Variants in PTPRG observed in about 807,000 individuals in gnomAD.
PTPRG encodes protein tyrosine phosphatase receptor type G.
PTPRG carries 102 observed loss-of-function variants against 165.3 expected under a neutral mutation model. The observed-to-expected ratio is 0.62, with a 90% CI of 0.53 to 0.73. The LOEUF is 0.73. PTPRG is among the 30% of genes least tolerant of loss of function. The pLI is 0.00. For missense variants in PTPRG, 1,866 were observed against 1,861.4 expected, an observed-to-expected ratio of 1.00 and a Z score of -0.05; for synonymous variants, 675 against 669.5, an observed-to-expected ratio of 1.01 and a Z score of -0.13.
At chr3:62,191,383 CT>C in intron 8 of PTPRG, 85 bp from the exon 9 acceptor site, 1 of 1,317,820 alleles carries the variant, frequency 7.6e-7, no homozygotes, top group Non-Finnish European at 1.0e-6. Flanking sequence ...ACTCTTTCAA[CT>C]TTTTGAGGCT....
At chr3:62,175,218 A>G (rs1705369941) in intron 8 of PTPRG, among the ~76,000 whole-genome samples, 1 of 152,202 alleles carries the variant, frequency 6.6e-6, no homozygotes, top group African/African-American at 2.4e-5. Context: ...TTTTGTATCA[A>G]TTGTTGTAGC....
At chr3:61,671,134 CTTTCT>C (rs1350672073) in intron 1 of PTPRG, among the ~76,000 whole-genome samples, 12 of 110,102 alleles carry the variant, frequency 1.1e-4, no homozygotes, top group Admixed American at 2.2e-4. Flanking sequence ...ACTGTATGAA[CTTTCT>C]TTTTTTTTTT....
chr3:61,735,230 T>A (rs2032673365), intron 1 of PTPRG, among the ~76,000 whole-genome samples: 1 of 152,232 alleles, frequency 6.6e-6, no homozygotes, highest in Non-Finnish European at 1.5e-5. Context: ...TAGAATTTTT[T>A]TAATTAAATC....
chr3:61,570,490 GTCTT>G (rs1324087752), intron 1 of PTPRG, among the ~76,000 whole-genome samples: 1 of 152,162 alleles, frequency 6.6e-6, no homozygotes, highest in Non-Finnish European at 1.5e-5. Flanking sequence ...CTGTGATACT[GTCTT>G]TCTAAGTGAG....
intron 2 of PTPRG, among the ~76,000 whole-genome samples, chr3:61,839,004 A>G (rs1273729027): frequency 6.6e-6 from 1 of 152,218 alleles, no homozygotes; most frequent in Non-Finnish European, 1.5e-5. Context: ...CCAAAGCTTT[A>G]TGAATTCAAT....
intron 2 of PTPRG, among the ~76,000 whole-genome samples, chr3:61,889,446 C>G (rs1286184355): frequency 6.6e-6 from 1 of 152,188 alleles, no homozygotes; most frequent in Admixed American, 6.5e-5. Flanking sequence ...ATGACCCTAA[C>G]TTGTACATGT....
At chr3:62,167,888 T>G in intron 7 of PTPRG, 83 bp from the exon 8 acceptor site, 1 of 1,403,286 alleles carries the variant, frequency 7.1e-7, no homozygotes, top group Non-Finnish European at 1.0e-6. Context: ...TTCACCTGCT[T>G]TGGACCAAAT....
chr3:61,575,703 G>A (rs1457210976), intron 1 of PTPRG, among the ~76,000 whole-genome samples: 3 of 149,820 alleles, frequency 2.0e-5, no homozygotes, highest in African/African-American at 7.4e-5. Context: ...GGTTCAAGCA[G>A]TTCTCCCTGC....
intron 6 of PTPRG, among the ~76,000 whole-genome samples, chr3:62,148,155 T>C (rs971623923): frequency 6.6e-6 from 1 of 151,782 alleles, no homozygotes; most frequent in Admixed American, 6.6e-5. Flanking sequence ...CAAAAATAAA[T>C]AAATAACAGA....
intron 2 of PTPRG, among the ~76,000 whole-genome samples, chr3:61,948,624 C>T (rs1382039438): frequency 2.6e-5 from 4 of 151,984 alleles, no homozygotes; most frequent in Non-Finnish European, 4.4e-5. Context: ...GAAAAGTAAT[C>T]TAGGGAACAG....
chr3:62,012,473 T>A (rs533679952), intron 4 of PTPRG, among the ~76,000 whole-genome samples: 5 of 152,140 alleles, frequency 3.3e-5, no homozygotes, highest in Non-Finnish European at 7.4e-5. Flanking sequence ...AATTTTTAAA[T>A]TTTTTTTATT....
intron 2 of PTPRG, chr3:61,749,794 C>T (rs1457611083): frequency 6.6e-6 from 1 of 152,494 alleles, no homozygotes; most frequent in Non-Finnish European, 1.5e-5. Context: ...ATAATTCAAA[C>T]TCCTTCTATG....
intron 4 of PTPRG, among the ~76,000 whole-genome samples, chr3:62,027,650 C>T (rs1160641940): frequency 6.6e-6 from 1 of 152,196 alleles, no homozygotes; most frequent in African/African-American, 2.4e-5. Context: ...CAGACATTTA[C>T]CTGTAGGCTA....
chr3:62,046,487 C>G (rs1438582646), intron 4 of PTPRG, among the ~76,000 whole-genome samples: 1 of 152,174 alleles, frequency 6.6e-6, no homozygotes, highest in Non-Finnish European at 1.5e-5. Context: ...ACTAACTGAT[C>G]ATAGAATTTT....
chr3:62,111,867 A>G (rs371308177), intron 5 of PTPRG, among the ~76,000 whole-genome samples: 9 of 152,206 alleles, frequency 5.9e-5, no homozygotes, highest in African/African-American at 1.9e-4. Flanking sequence ...TTGATTTTGC[A>G]TATCTGTCCT....
chr3:62,136,478 G>A (rs1703713749), intron 6 of PTPRG, among the ~76,000 whole-genome samples: 1 of 152,150 alleles, frequency 6.6e-6, no homozygotes, highest in Non-Finnish European at 1.5e-5. Context: ...TGAGAATGTG[G>A]AGAATGGATG....
At chr3:61,689,622 G>A (rs559312680) in intron 1 of PTPRG, among the ~76,000 whole-genome samples, 13 of 152,194 alleles carry the variant, frequency 8.5e-5, no homozygotes, top group Non-Finnish European at 1.5e-4. Flanking sequence ...AAGCTGAAGT[G>A]GCAAGGGCAA....
intron 2 of PTPRG, among the ~76,000 whole-genome samples, chr3:61,799,646 A>G (rs565921676): frequency 6.6e-6 from 1 of 152,316 alleles, no homozygotes; most frequent in South Asian, 2.1e-4. Flanking sequence ...TGCCATTTTG[A>G]TCACAACCTA....
chr3:62,145,342 AGCTGT>A (rs1704079567), intron 6 of PTPRG, among the ~76,000 whole-genome samples: 1 of 152,166 alleles, frequency 6.6e-6, no homozygotes. Flanking sequence ...ACTCAGTGAT[AGCTGT>A]CACCACTGCC....
Sources: gnomAD v4.1 joint callset for allele counts (sites outside exome capture counted in the v4.1 genomes callset) on GRCh38, gnomAD v4.1.1 for gene constraint, MANE v1.5 for transcripts, NCBI Gene and HGNC (gene_info 2026-07-23, HGNC 2026-07-21) for gene names.